Variants in NTM observed in about 807,000 individuals in gnomAD.
The protein encoded by NTM is neurotrimin.
In NTM, 13 loss-of-function variants were observed where a neutral mutation model predicts 42.1. The observed-to-expected ratio is 0.31, with a 90% CI of 0.20 to 0.49. The LOEUF is 0.49. Ranked by LOEUF, NTM falls within the 20% of genes least tolerant of loss-of-function variation. The pLI is 0.99. For synonymous variants in NTM, 187 were observed against 179.2 expected (o/e 1.04, Z -0.35); for missense variants, 373 against 452.8 (o/e 0.82, Z 1.60).
intron 3 of NTM, among the ~76,000 whole-genome samples, chr11:132,199,232 A>G (rs1360779255): frequency 3.3e-5 from 5 of 152,240 alleles, no homozygotes; most frequent in African/African-American, 4.8e-5. Flanking sequence ...CACCACAGGT[A>G]GGGATGTTTG....
At chr11:132,121,314 A>C (rs943097672) in intron 2 of NTM, among the ~76,000 whole-genome samples, 1 of 152,212 alleles carries the variant, frequency 6.6e-6, no homozygotes, top group Non-Finnish European at 1.5e-5. Flanking sequence ...GTCTAAGTAT[A>C]AAAAGTAAAA....
At chr11:131,901,162 A>G (rs2053105753) in intron 1 of NTM, among the ~76,000 whole-genome samples, 7 of 152,212 alleles carry the variant, frequency 4.6e-5, no homozygotes, top group African/African-American at 1.7e-4. Context: ...AGAGGTAGGT[A>G]TTATTCCTTT....
chr11:131,523,819 A>T (rs1049440818), intron 1 of NTM, among the ~76,000 whole-genome samples: 2 of 151,308 alleles, frequency 1.3e-5, no homozygotes, highest in Non-Finnish European at 2.9e-5. Context: ...TAAGAAGAAG[A>T]AAAGGAAGGA....
chr11:131,387,875 C>T lies in NTM; in HGVS notation c.82+16987C>T, dbSNP rs199534456. On this transcript the variant is annotated intron_variant, in intron 1 of 8. Transcript: ENST00000683400. The stretch of plus-strand genomic sequence containing the variant: ...CCCATCATTTTTATAATTAGCCTTC[C>T]TGGGGACCCCGGTTTCTAATCTGCC... Among the ~76,000 whole-genome samples the T allele has an allele frequency of 5.7e-4, 5 of 8,810 alleles. No individual in the cohort carries two copies. The East Asian group carries it at 0.011, about 20-fold the overall frequency. 5.8% of individuals were successfully genotyped at this position (8,810 alleles called of 152,430 possible).
chr11:131,654,241 C>T (rs976648127), intron 1 of NTM, among the ~76,000 whole-genome samples: 2 of 152,152 alleles, frequency 1.3e-5, no homozygotes, highest in African/African-American at 4.8e-5. Context: ...TGGTTGAAGC[C>T]CCTTTCACCT....
chr11:131,528,243 C>T (rs1194963092), intron 1 of NTM, among the ~76,000 whole-genome samples: 3 of 152,176 alleles, frequency 2.0e-5, no homozygotes, highest in Non-Finnish European at 4.4e-5. Flanking sequence ...TATGCCTTCC[C>T]TCTTCAATAG....
intron 2 of NTM, among the ~76,000 whole-genome samples, chr11:132,094,337 T>C (rs2060709726): frequency 6.6e-6 from 1 of 152,216 alleles, no homozygotes; most frequent in South Asian, 2.1e-4. Context: ...CTTGTGCTCT[T>C]CCTAGGGCAC....
intron 1 of NTM, chr11:131,385,243 A>G (rs1463719448): frequency 6.6e-6 from 1 of 152,202 alleles, no homozygotes; most frequent in Non-Finnish European, 1.5e-5. Context: ...TTAAGAAACT[A>G]TTCGTGTGTC....
intron 2 of NTM, among the ~76,000 whole-genome samples, chr11:132,082,835 G>A (rs900341781): frequency 6.6e-6 from 1 of 152,180 alleles, no homozygotes; most frequent in Non-Finnish European, 1.5e-5. Flanking sequence ...ATAGCCTGAA[G>A]CCAAGAAAGG....
At chr11:131,768,207 C>T (rs904463733) in intron 1 of NTM, among the ~76,000 whole-genome samples, 1 of 151,210 alleles carries the variant, frequency 6.6e-6, no homozygotes, top group African/African-American at 2.4e-5. Context: ...CAACCTCCGC[C>T]TCCTGGGTTC....
chr11:131,733,554 G>A (rs1485142093), intron 1 of NTM, among the ~76,000 whole-genome samples: 1 of 142,576 alleles, frequency 7.0e-6, no homozygotes, highest in South Asian at 2.2e-4. Flanking sequence ...TTGATGGAGA[G>A]TCTCACTCGG....
intron 2 of NTM, among the ~76,000 whole-genome samples, chr11:131,933,313 A>G (rs1248074466): frequency 6.6e-6 from 1 of 152,216 alleles, no homozygotes; most frequent in Admixed American, 6.5e-5. Flanking sequence ...ACCTGGGCTC[A>G]GCTCTTTCTG....
At chr11:131,662,670 C>T (rs560474775) in intron 1 of NTM, among the ~76,000 whole-genome samples, 4 of 152,266 alleles carry the variant, frequency 2.6e-5, no homozygotes, top group South Asian at 4.1e-4. Context: ...TGTTTTTGAG[C>T]GTGTTCACAG....
At chr11:131,469,488 A>C (rs986039563) in intron 1 of NTM, among the ~76,000 whole-genome samples, 2 of 152,168 alleles carry the variant, frequency 1.3e-5, no homozygotes, top group Non-Finnish European at 2.9e-5. Flanking sequence ...TGTCCACTAC[A>C]TTATACTGCC....
intron 2 of NTM, among the ~76,000 whole-genome samples, chr11:132,085,595 G>C (rs2059606323): frequency 6.6e-6 from 1 of 152,172 alleles, no homozygotes; most frequent in South Asian, 2.1e-4. Flanking sequence ...AAAGTCACAT[G>C]AACTAAAAGG....
At chr11:131,726,535 G>C (rs570434373) in intron 1 of NTM, among the ~76,000 whole-genome samples, 1 of 151,018 alleles carries the variant, frequency 6.6e-6, no homozygotes, top group East Asian at 1.9e-4. Flanking sequence ...GAGAGTGATC[G>C]CACAGCACAG....
At chr11:132,095,334 A>G (rs1591479188) in intron 2 of NTM, among the ~76,000 whole-genome samples, 1 of 152,272 alleles carries the variant, frequency 6.6e-6, no homozygotes, top group African/African-American at 2.4e-5. Context: ...TTGAGCACCG[A>G]GAGAGTTGCA....
intron 1 of NTM, among the ~76,000 whole-genome samples, chr11:131,770,096 G>T (rs180851607): frequency 6.6e-6 from 1 of 152,264 alleles, no homozygotes; most frequent in East Asian, 1.9e-4. Flanking sequence ...ACATAGGAGG[G>T]CTGATCAACA....
chr11:132,327,249 G>A (rs919010993), intron 7 of NTM, among the ~76,000 whole-genome samples: 1 of 152,178 alleles, frequency 6.6e-6, no homozygotes, highest in Non-Finnish European at 1.5e-5. Context: ...CCACCCACTG[G>A]TCCTTTGTCT....
Sources: gnomAD v4.1 joint callset for allele counts (sites outside exome capture counted in the v4.1 genomes callset) on GRCh38, gnomAD v4.1.1 for gene constraint, MANE v1.5 for transcripts, NCBI Gene and HGNC (gene_info 2026-07-23, HGNC 2026-07-21) for gene names.